Variants in TAFA2 observed in about 807,000 individuals in gnomAD.
TAFA2 encodes the protein TAFA chemokine like family member 2, also known as chemokine-like protein TAFA-2.
A neutral mutation model predicts 18.8 loss-of-function variants in TAFA2; 7 were observed. The observed-to-expected ratio is 0.37, with a 90% CI of 0.21 to 0.70. The LOEUF (loss-of-function observed/expected upper bound fraction) is 0.70, where lower values mean the gene tolerates loss of function less well. Ranked by LOEUF, TAFA2 falls within the 30% of genes least tolerant of loss-of-function variation. TAFA2 has a pLI of 0.53. For missense variants in TAFA2, 122 were observed against 158.1 expected, an observed-to-expected ratio of 0.77 and a Z score of 1.23; for synonymous variants, 60 against 54.2, an observed-to-expected ratio of 1.11 and a Z score of -0.47.
intron 1 of TAFA2, among the ~76,000 whole-genome samples, chr12:62,158,364 TA>T (rs1287309391): frequency 2.0e-5 from 3 of 152,242 alleles, no homozygotes; most frequent in African/African-American, 7.2e-5. Flanking sequence ...AATATTTTGT[TA>T]AAACACATTC....
At chr12:61,777,019 G>A (rs1276488250) in intron 2 of TAFA2, among the ~76,000 whole-genome samples, 1 of 151,804 alleles carries the variant, frequency 6.6e-6, no homozygotes, top group Non-Finnish European at 1.5e-5. Flanking sequence ...CGGCATTCCA[G>A]GAATTAATTT....
chr12:62,083,518 C>T (rs148846906), intron 1 of TAFA2, among the ~76,000 whole-genome samples: 1 of 152,222 alleles, frequency 6.6e-6, no homozygotes, highest in African/African-American at 2.4e-5. Context: ...CTCCTCTCCG[C>T]CATGAAAGTA....
chr12:62,159,875 T>A (rs1270372371), intron 1 of TAFA2, among the ~76,000 whole-genome samples: 4 of 152,298 alleles, frequency 2.6e-5, no homozygotes, highest in African/African-American at 7.2e-5. Context: ...AAGTAATAAT[T>A]ATTATTATAA....
intron 1 of TAFA2, among the ~76,000 whole-genome samples, chr12:62,169,850 CAAAAAA>C (rs11373929): frequency 1.9e-3 from 172 of 90,108 alleles, no homozygotes; most frequent in South Asian, 9.0e-3. Context: ...GACTCCGTCT[CAAAAAA>C]AAAAAAAAAA....
rs112962837 is a variant in TAFA2, at chr12:61,791,127, G to T, written c.107-36103C>A. Among the ~76,000 whole-genome samples, 685 of 151,920 alleles carry T rather than the reference G, an allele frequency of 4.5e-3. 4 individuals carry two copies. Among genetic ancestry groups the T allele is most frequent in the African/African-American group, 0.015 (606 of 41,508 alleles). ...GGAAAAGACTGTCTCATCAATAGAT[G>T]GTGCTGGGTAATTTGTATATCCAGT... On this transcript the variant is annotated intron_variant, in intron 2 of 4. Coordinates refer to ENST00000416284, the MANE Select transcript of TAFA2 (RefSeq NM_178539.5).
At chr12:62,124,860 C>G (rs1374783322) in intron 1 of TAFA2, among the ~76,000 whole-genome samples, 1 of 152,160 alleles carries the variant, frequency 6.6e-6, no homozygotes, top group African/African-American at 2.4e-5. Context: ...CATATCCTTT[C>G]TCTATTGTCA....
chr12:62,197,662 T>C (rs1422142462), upstream of TAFA2, among the ~76,000 whole-genome samples: 2 of 152,202 alleles, frequency 1.3e-5, no homozygotes, highest in East Asian at 1.9e-4. Context: ...GTCACTATAG[T>C]TTGCATTTTC....
chr12:62,139,000 G>C (rs1413266521), intron 1 of TAFA2, among the ~76,000 whole-genome samples: 1 of 152,002 alleles, frequency 6.6e-6, no homozygotes, highest in African/African-American at 2.4e-5. Context: ...CTTTTCCATG[G>C]AGTAATTAGA....
intron 1 of TAFA2, among the ~76,000 whole-genome samples, chr12:61,888,719 A>C (rs1875498826): frequency 6.6e-6 from 1 of 152,238 alleles, no homozygotes; most frequent in African/African-American, 2.4e-5. Context: ...GGTAGGAGGC[A>C]AAAAGGTGTG....
chr12:62,042,886 C>G (rs1271964193), intron 1 of TAFA2, among the ~76,000 whole-genome samples: 1 of 152,096 alleles, frequency 6.6e-6, no homozygotes, highest in Non-Finnish European at 1.5e-5. Context: ...TGCCCCAATG[C>G]AAGACCGTCA....
intron 2 of TAFA2, among the ~76,000 whole-genome samples, chr12:61,852,100 A>G (rs1592434875): frequency 6.6e-6 from 1 of 151,298 alleles, no homozygotes; most frequent in Non-Finnish European, 1.5e-5. Context: ...CCAGCTACTC[A>G]AGAGGCTGAG....
intron 1 of TAFA2, chr12:62,235,395 G>A: frequency 1.5e-6 from 1 of 646,970 alleles, no homozygotes; most frequent in East Asian, 2.6e-5. Context: ...GCTTCCAGAA[G>A]ATGAGTCATG....
intron 1 of TAFA2, chr12:61,880,078 C>T: frequency 3.1e-6 from 2 of 651,824 alleles, no homozygotes; most frequent in South Asian, 3.2e-5. Flanking sequence ...ACAGCAGCCA[C>T]TCCCTGGACA....
At chr12:61,825,118 C>A (rs1872489261) in intron 2 of TAFA2, among the ~76,000 whole-genome samples, 1 of 152,052 alleles carries the variant, frequency 6.6e-6, no homozygotes, top group African/African-American at 2.4e-5. Context: ...TGGGCATATT[C>A]AGAGAACAAG....
At chr12:62,117,891 T>C (rs1413513844) in intron 1 of TAFA2, among the ~76,000 whole-genome samples, 1 of 152,194 alleles carries the variant, frequency 6.6e-6, no homozygotes, top group African/African-American at 2.4e-5. Context: ...TTCCTCTTTG[T>C]ACTTCAGGTG....
chr12:61,808,478 C>A (rs754299874), intron 2 of TAFA2, among the ~76,000 whole-genome samples: 17 of 151,364 alleles, frequency 1.1e-4, no homozygotes, highest in Admixed American at 5.2e-4. Flanking sequence ...ACATCCCCCA[C>A]CTCATAGAAA....
intron 4 of TAFA2, among the ~76,000 whole-genome samples, chr12:61,715,582 G>A (rs916409620): frequency 2.0e-5 from 3 of 151,476 alleles, no homozygotes; most frequent in South Asian, 2.1e-4. Flanking sequence ...TCAATCTCTC[G>A]ACCTCGTTAT....
At chr12:61,834,475 G>A (rs879358072) in intron 2 of TAFA2, among the ~76,000 whole-genome samples, 2 of 152,014 alleles carry the variant, frequency 1.3e-5, no homozygotes, top group African/African-American at 2.4e-5. Flanking sequence ...GGGAAATCTG[G>A]AAGCCTGATA....
intron 2 of TAFA2, among the ~76,000 whole-genome samples, chr12:61,842,371 T>G (rs538295909): frequency 6.6e-5 from 10 of 152,094 alleles, no homozygotes; most frequent in African/African-American, 2.2e-4. Context: ...ATCAGCATGT[T>G]TTTTTATTTT....
Sources: allele counts gnomAD v4.1 joint callset (sites outside exome capture counted in the v4.1 genomes callset), GRCh38; gene constraint gnomAD v4.1.1; transcripts MANE v1.5; gene names NCBI Gene and HGNC (gene_info 2026-07-23, HGNC 2026-07-21).